ZFP91: variants seen among roughly 807,000 people sequenced by gnomAD.
ZFP91 encodes ZFP91 zinc finger protein, atypical E3 ubiquitin ligase.
Under a neutral mutation model 63.5 loss-of-function variants are expected in ZFP91, and 7 were observed. The observed-to-expected ratio is 0.11, with a 90% CI of 0.06 to 0.21. The LOEUF (loss-of-function observed/expected upper bound fraction) is 0.21, where lower values mean the gene tolerates loss of function less well. Ranked by LOEUF, ZFP91 falls within the 10% of genes least tolerant of loss-of-function variation. The pLI is 1.00. For synonymous variants in ZFP91, 330 were observed against 272.1 expected, an observed-to-expected ratio of 1.21 and a Z score of -2.10; for missense variants, 628 against 736.6, an observed-to-expected ratio of 0.85 and a Z score of 1.71.
At chr11:58,601,292 A>G (rs1450683930) in intron 2 of ZFP91, among the ~76,000 whole-genome samples, 1 of 152,150 alleles carries the variant, frequency 6.6e-6, no homozygotes, top group Non-Finnish European at 1.5e-5. Flanking sequence ...TGTTAAAGAT[A>G]TGTTCATCTT....
At chr11:58,600,908 G>A (rs1017309824) in intron 2 of ZFP91, among the ~76,000 whole-genome samples, 3 of 152,112 alleles carry the variant, frequency 2.0e-5, no homozygotes, top group African/African-American at 7.2e-5. Flanking sequence ...CATCAATTGA[G>A]ATAATGGTGT....
Position 58,616,822 on chromosome 11 carries a change from A to T in ZFP91, c.1202+7A>T, listed in dbSNP as rs756787698. On this transcript the variant is annotated splice_region_variant and intron_variant, in intron 10 of 10. Coordinates refer to ENST00000316059, the MANE Select transcript of ZFP91 (RefSeq NM_053023.5). ...CTGGCGAGAAGCCATTACAGTGAGTATTATTTACTGGTGAACATCTGGGTG... is the reference window on the plus strand; with the variant it reads ...CTGGCGAGAAGCCATTACAGTGAGTTTTATTTACTGGTGAACATCTGGGTG... The T allele has an allele frequency of 6.8e-6, 11 of 1,612,766 alleles. No individual in the cohort carries two copies. In the South Asian group the frequency reaches 1.1e-4, roughly 16 times the overall value.
rs1855817131 is a variant in ZFP91, at chr11:58,619,842, T to C, written c.*2136T>C. The C allele has an allele frequency of 6.6e-6, 1 of 152,372 alleles. No individual in the cohort carries two copies. The highest frequency in any genetic ancestry group is 6.5e-5 in the Admixed American group (1 of 15,278). The allele number at this position is 152,372 out of a possible 1,614,324, so 9.4% of individuals were successfully genotyped here. On this transcript the variant is annotated 3_prime_UTR_variant, in exon 11 of 11. Transcript: ENST00000316059. ...GAAAATACAAGATTGATTAGATGAA[T>C]CTACAAAAAAGTTGTCCTCCTCTCA...
At position 58,579,392 on chromosome 11, in the gene ZFP91, C is replaced by A; in HGVS notation, c.111C>A (p.Val37=). 6.8e-7 allele frequency: 1 copy of A among 1,473,820 alleles called. No homozygotes were observed. Among genetic ancestry groups the A allele is most frequent in the Non-Finnish European group, 8.9e-7 (1 of 1,118,694 alleles). The allele number at this position is 1,473,820 out of a possible 1,614,324, so 91.3% of individuals were successfully genotyped here. The change falls in exon 1 of 11, where the codon GTC becomes GTA. Residue 37 remains valine (V), a synonymous_variant. Transcript: ENST00000316059. ...CCCAACAACGGCCCCCTGAGGCGGT[C>A]GCGGCGGCGCCTGCAGGGACCACTA... ...EEPQQRPPEA[V]AAAPAGTTSS... is the part of the protein sequence containing the mutation.
intron 1 of ZFP91, among the ~76,000 whole-genome samples, chr11:58,581,652 C>T (rs1855118609): frequency 1.3e-5 from 2 of 152,130 alleles, no homozygotes; most frequent in African/African-American, 4.8e-5. Context: ...TGAGCCACTG[C>T]GCCCAGCCTG....
chr11:58,601,929 T>C lies in ZFP91; in HGVS notation c.371-7901T>C, dbSNP rs190455372. 4.6e-5 allele frequency among the ~76,000 whole-genome samples: 7 copies of C among 152,302 alleles called. No homozygotes were observed. In the East Asian group the frequency reaches 1.3e-3, roughly 29 times the overall value. ...ACTTTTCAATATGTCTGTGAATTTT[T>C]TTTTTCCCCCAAGATGGAGTCTCGT... On this transcript the variant is annotated intron_variant, in intron 2 of 10. Transcript: ENST00000316059.
intron 2 of ZFP91, among the ~76,000 whole-genome samples, chr11:58,608,992 A>C (rs543155850): frequency 6.6e-6 from 1 of 152,212 alleles, no homozygotes; most frequent in African/African-American, 2.4e-5. Context: ...GTATCTTATG[A>C]CCTGAAATTT....
intron 5 of ZFP91, 34 bp from the exon 6 acceptor site, chr11:58,611,570 T>G: frequency 2.5e-6 from 4 of 1,596,878 alleles, no homozygotes; most frequent in Non-Finnish European, 2.6e-6. Context: ...GAAAAGATCT[T>G]TTGTCTAGTA....
At chr11:58,598,650 T>G (rs1000293461) in intron 2 of ZFP91, among the ~76,000 whole-genome samples, 2 of 151,998 alleles carry the variant, frequency 1.3e-5, no homozygotes. Context: ...AGAAGAAACT[T>G]GGCTTGTTTC....
Position 58,597,681 on chromosome 11 carries a change from A to G in ZFP91, c.371-12149A>G, listed in dbSNP as rs1335178172. Among the ~76,000 whole-genome samples, 5 of 152,288 alleles carry G rather than the reference A, an allele frequency of 3.3e-5. No homozygotes were observed. In the East Asian group the frequency reaches 9.6e-4, roughly 29 times the overall value. On this transcript the variant is annotated intron_variant, in intron 2 of 10. Coordinates refer to ENST00000316059, the MANE Select transcript of ZFP91 (RefSeq NM_053023.5). ...TGCATCTTGAATGTGAGATAAAAGT[A>G]TTTTGCAAAAACTGCAAGATTTTTG...
chr11:58,621,006 T>TA lies in ZFP91; in HGVS notation c.*3301dup, dbSNP rs1367957906. 2 of 152,594 alleles carry TA rather than the reference T, an allele frequency of 1.3e-5. No homozygotes were observed. The highest frequency in any genetic ancestry group is 2.9e-5 in the Non-Finnish European group (2 of 68,028). The allele number at this position is 152,594 out of a possible 1,614,324, so 9.5% of individuals were successfully genotyped here. A position where few individuals can be genotyped will look rare whatever the true frequency, so the allele number is the denominator to read the frequency against. On this transcript the variant is annotated 3_prime_UTR_variant, in exon 11 of 11. Coordinates refer to ENST00000316059, the MANE Select transcript of ZFP91 (RefSeq NM_053023.5). ...CTAGGTAAGGCATATTAAAAATAAA[T>TA]ATGTAAAGAAGAAAAATAAAAGTTG...
intron 2 of ZFP91, among the ~76,000 whole-genome samples, chr11:58,586,107 C>T (rs2134390742): frequency 6.6e-6 from 1 of 152,162 alleles, no homozygotes; most frequent in Middle Eastern, 3.4e-3. Context: ...GAAGGTCTCA[C>T]ATTTCTTATT....
At chr11:58,612,169 C>T (rs766941977) in intron 6 of ZFP91, 109 bp from the exon 7 acceptor site, 2 of 1,118,806 alleles carry the variant, frequency 1.8e-6, no homozygotes, top group Admixed American at 2.4e-5. Context: ...CTTGGTTATC[C>T]TTTGCCACTT....
At chr11:58,589,358 C>T (rs1565216573) in intron 2 of ZFP91, among the ~76,000 whole-genome samples, 1 of 152,174 alleles carries the variant, frequency 6.6e-6, no homozygotes, top group African/African-American at 2.4e-5. Flanking sequence ...AGCCACTACA[C>T]CCAGCCTGTT....
chr11:58,610,925 C>T, intron 4 of ZFP91, 25 bp from the exon 5 acceptor site: 2 of 1,600,302 alleles, frequency 1.2e-6, no homozygotes, highest in East Asian at 2.2e-5. Context: ...ACCAGAATGT[C>T]TCATTTCTAT....
At chr11:58,605,828 T>C (rs958357492) in intron 2 of ZFP91, among the ~76,000 whole-genome samples, 2 of 152,174 alleles carry the variant, frequency 1.3e-5, no homozygotes, top group African/African-American at 4.8e-5. Flanking sequence ...ATTCTTTCTG[T>C]TCATTTTCTC....
chr11:58,608,666 G>A (rs141975126), intron 2 of ZFP91, among the ~76,000 whole-genome samples: 1,544 of 152,068 alleles, frequency 0.01, 28 homozygotes, highest in African/African-American at 0.035. Flanking sequence ...GTGCAGTGGC[G>A]CAGTCTCAGC....
chr11:58,612,000 A>G (rs890261799), intron 6 of ZFP91: 9 of 524,842 alleles, frequency 1.7e-5, no homozygotes, highest in African/African-American at 1.3e-4. Flanking sequence ...TAGCAACTCT[A>G]AAAGTAATAC....
chr11:58,604,216 T>C lies in ZFP91; in HGVS notation c.371-5614T>C, dbSNP rs539688806. ...GATCTTTGCAGATGTAATCAAGTTA[T>C]AATGGAGTTATTCTGTATTACAATG... On this transcript the variant is annotated intron_variant, in intron 2 of 10. Coordinates refer to ENST00000316059, the MANE Select transcript of ZFP91 (RefSeq NM_053023.5). Among the ~76,000 whole-genome samples, 31 of 152,336 alleles carry C rather than the reference T, an allele frequency of 2.0e-4. No individual in the cohort carries two copies. In the East Asian group the frequency reaches 3.7e-3, roughly 18 times the overall value.
Sources: allele counts gnomAD v4.1 joint callset (sites outside exome capture counted in the v4.1 genomes callset), GRCh38; gene constraint gnomAD v4.1.1; transcripts MANE v1.5; gene names NCBI Gene and HGNC (gene_info 2026-07-23, HGNC 2026-07-21).